GPR107: variants seen among roughly 807,000 people sequenced by gnomAD.
GPR107 encodes the protein protein GPR107.
GPR107 carries 31 observed loss-of-function variants against 75.5 expected under a neutral mutation model. The ratio of observed to expected loss-of-function variants is 0.41; its 90% CI spans 0.31 to 0.55. The LOEUF (loss-of-function observed/expected upper bound fraction) is 0.55, where lower values mean the gene tolerates loss of function less well. Among genes scored for constraint, GPR107 ranks in the 20% least tolerant of loss-of-function variants. GPR107 has a pLI of 0.26. For missense variants in GPR107, 572 were observed against 665.7 expected (o/e 0.86, Z 1.55); for synonymous variants, 267 against 251.3 (o/e 1.06, Z -0.59).
intron 17 of GPR107, among the ~76,000 whole-genome samples, chr9:130,131,296 C>T (rs888127479): frequency 3.3e-5 from 5 of 152,140 alleles, no homozygotes; most frequent in Admixed American, 6.5e-5. Context: ...TTCCTCACAT[C>T]GTGGGGGCCC....
chr9:130,059,048 G>A (rs2132530997), intron 1 of GPR107, among the ~76,000 whole-genome samples: 1 of 152,180 alleles, frequency 6.6e-6, no homozygotes, highest in East Asian at 1.9e-4. Context: ...AGAATTGCTG[G>A]GTCATATGAT....
At chr9:130,104,689 G>C (rs1177094980) in intron 13 of GPR107, 139 bp downstream of exon 13, 1 of 692,660 alleles carries the variant, frequency 1.4e-6, no homozygotes. Flanking sequence ...AGACTGACCT[G>C]AATCAGCCTC....
intron 6 of GPR107, among the ~76,000 whole-genome samples, chr9:130,085,754 A>ATTTTTTTTGTTTTTTTTT (rs1830598689): frequency 1.3e-5 from 1 of 78,674 alleles, no homozygotes; most frequent in Non-Finnish European, 2.4e-5. Context: ...CAATATTTTG[A>ATTTTTTTTGTTTTTTTTT]TTTTTTTTTT....
intron 1 of GPR107, among the ~76,000 whole-genome samples, chr9:130,068,208 T>G (rs1830115262): frequency 6.6e-6 from 1 of 152,108 alleles, no homozygotes; most frequent in South Asian, 2.1e-4. Flanking sequence ...GTTTTGTAAG[T>G]CGGCTGGCTC....
At chr9:130,115,195 C>T (rs1224452066) in intron 14 of GPR107, among the ~76,000 whole-genome samples, 1 of 152,128 alleles carries the variant, frequency 6.6e-6, no homozygotes, top group African/African-American at 2.4e-5. Flanking sequence ...CTTCCCATGT[C>T]TACATAAAGT....
intron 1 of GPR107, among the ~76,000 whole-genome samples, chr9:130,072,721 G>C (rs78398789): frequency 6.6e-6 from 1 of 151,462 alleles, no homozygotes; most frequent in Non-Finnish European, 1.5e-5. Flanking sequence ...TATTTATGTT[G>C]GGGGGGGAAC....
At chr9:130,131,521 T>C (rs1450798961) in intron 17 of GPR107, among the ~76,000 whole-genome samples, 2 of 152,064 alleles carry the variant, frequency 1.3e-5, no homozygotes, top group African/African-American at 4.8e-5. Context: ...CTCTTCGCAC[T>C]CCCAGGACTC....
chr9:130,063,891 A>G (rs985120314), intron 1 of GPR107, among the ~76,000 whole-genome samples: 2 of 145,700 alleles, frequency 1.4e-5, no homozygotes, highest in African/African-American at 2.6e-5. Context: ...TGCAGCCTCT[A>G]TCTCCCAGAT....
chr9:130,059,345 G>A (rs1328307111), intron 1 of GPR107, among the ~76,000 whole-genome samples: 4 of 152,070 alleles, frequency 2.6e-5, no homozygotes, highest in South Asian at 2.1e-4. Flanking sequence ...AAAATTAGCC[G>A]AGTGCGGTGG....
chr9:130,071,033 T>TAC (rs370408667), intron 1 of GPR107, among the ~76,000 whole-genome samples: 1 of 75,908 alleles, frequency 1.3e-5, no homozygotes, highest in Non-Finnish European at 2.8e-5. Flanking sequence ...CTTTTTTTTT[T>TAC]TCTTTTTTTT....
intron 7 of GPR107, among the ~76,000 whole-genome samples, chr9:130,088,164 G>A (rs1471784836): frequency 6.6e-6 from 1 of 152,132 alleles, no homozygotes; most frequent in South Asian, 2.1e-4. Context: ...CTTCCCACTG[G>A]TCTGCAAGGC....
intron 5 of GPR107, among the ~76,000 whole-genome samples, chr9:130,081,663 C>G (rs1424923101): frequency 6.8e-6 from 1 of 146,470 alleles, no homozygotes; most frequent in African/African-American, 2.5e-5. Context: ...CAGAGTGAGA[C>G]TCTGTCTCAA....
chr9:130,118,661 C>T (rs4837465), intron 14 of GPR107, among the ~76,000 whole-genome samples: 147,971 of 152,012 alleles, frequency 0.97, 72,053 homozygotes, highest in East Asian at 1. Context: ...CCCCAACCCC[C>T]GTCTCCTCCT....
At chr9:130,072,813 T>C (rs1056634763) in intron 1 of GPR107, among the ~76,000 whole-genome samples, 1 of 151,744 alleles carries the variant, frequency 6.6e-6, no homozygotes, top group African/African-American at 2.4e-5. Flanking sequence ...GGCCTAAGTA[T>C]AAATGAAAGC....
At chr9:130,055,312 A>T (rs1443478438) in intron 1 of GPR107, among the ~76,000 whole-genome samples, 2 of 151,610 alleles carry the variant, frequency 1.3e-5, no homozygotes, top group Admixed American at 1.3e-4. Flanking sequence ...CTAAAAATAA[A>T]AAAAAAATTA....
At chr9:130,078,164 CA>C (rs201310482) in intron 4 of GPR107, among the ~76,000 whole-genome samples, 3,080 of 98,492 alleles carry the variant, frequency 0.031, 30 homozygotes, top group East Asian at 0.039. Flanking sequence ...GACTCCGTCT[CA>C]AAAAAAAAAA....
At chr9:130,079,242 C>T (rs944587680) in intron 4 of GPR107, among the ~76,000 whole-genome samples, 1 of 152,178 alleles carries the variant, frequency 6.6e-6, no homozygotes, top group East Asian at 1.9e-4. Context: ...AGATTACAGG[C>T]GTGAGCCACC....
intron 1 of GPR107, among the ~76,000 whole-genome samples, chr9:130,071,191 A>ATT (rs1233744458): frequency 1.6e-4 from 22 of 135,032 alleles, no homozygotes; most frequent in South Asian, 2.4e-4. Flanking sequence ...CAACTGGCTA[A>ATT]TTTTTTTTTT....
At chr9:130,080,146 A>G (rs984835936) in intron 5 of GPR107, among the ~76,000 whole-genome samples, 7 of 152,282 alleles carry the variant, frequency 4.6e-5, no homozygotes, top group African/African-American at 1.4e-4. Context: ...AATTTGCTCA[A>G]CCTTTCCCCT....
Sources: gnomAD v4.1 joint callset for allele counts (sites outside exome capture counted in the v4.1 genomes callset) on GRCh38, gnomAD v4.1.1 for gene constraint, MANE v1.5 for transcripts, NCBI Gene and HGNC (gene_info 2026-07-23, HGNC 2026-07-21) for gene names.